The following GRIK4 variants were observed in gnomAD, a reference collection of about 807,000 sequenced individuals.
GRIK4 encodes the protein glutamate receptor ionotropic, kainate 4.
A neutral mutation model predicts 104.9 loss-of-function variants in GRIK4; 40 were observed. The ratio of observed to expected loss-of-function variants is 0.38; its 90% CI spans 0.30 to 0.50. The LOEUF (loss-of-function observed/expected upper bound fraction) is 0.50, where lower values mean the gene tolerates loss of function less well. GRIK4 is among the 20% of genes least tolerant of loss of function. The pLI is 0.93. For missense variants in GRIK4, 1,047 were observed against 1,308.1 expected (o/e 0.80, Z 3.08); for synonymous variants, 485 against 524.9 (o/e 0.92, Z 1.04).
chr11:120,785,839 T>C (rs1286783003), intron 3 of GRIK4, among the ~76,000 whole-genome samples: 1 of 152,174 alleles, frequency 6.6e-6, no homozygotes, highest in African/African-American at 2.4e-5. Context: ...GGCTCTGTGC[T>C]CATCCCCAGC....
At chr11:120,793,605 G>A (rs886148392) in intron 3 of GRIK4, among the ~76,000 whole-genome samples, 9 of 152,092 alleles carry the variant, frequency 5.9e-5, no homozygotes, top group African/African-American at 1.9e-4. Flanking sequence ...GATGGTTGGA[G>A]GTGAAGGGTG....
chr11:120,966,178 G>A (rs1944380405), intron 18 of GRIK4, among the ~76,000 whole-genome samples: 1 of 152,074 alleles, frequency 6.6e-6, no homozygotes, highest in Admixed American at 6.5e-5. Flanking sequence ...AGGGAAGGAG[G>A]ACTGGGAGAA....
chr11:120,662,154 G>C (rs1181443442), intron 3 of GRIK4, among the ~76,000 whole-genome samples: 2 of 152,220 alleles, frequency 1.3e-5, no homozygotes, highest in Non-Finnish European at 2.9e-5. Context: ...AGAAAGCGGA[G>C]CTGACAGGTC....
At chr11:120,596,450 G>A (rs1464110905) in intron 1 of GRIK4, among the ~76,000 whole-genome samples, 1 of 152,218 alleles carries the variant, frequency 6.6e-6, no homozygotes, top group Non-Finnish European at 1.5e-5. Context: ...GGGGTGTTAG[G>A]GAGCGCTTCA....
In GRIK4 at chr11:120,792,682, G is replaced by A. The variant is rs77418589; in HGVS notation, c.83-10011G>A. 2.5e-3 allele frequency among the ~76,000 whole-genome samples: 383 copies of A among 152,274 alleles called. 4 individuals carry two copies. The highest frequency in any genetic ancestry group is 8.6e-3 in the African/African-American group (356 of 41,538). ...AAGGTGCGGAATTGGGTGAAGGCAC[G>A]ATGCCTGGGTAGCTGGTGCTGCTAT... is the stretch of plus-strand genomic sequence containing the variant. On this transcript the variant is annotated intron_variant, in intron 3 of 20. Transcript: ENST00000527524.
chr11:120,870,951 T>C (rs1466526529), intron 9 of GRIK4: 5 of 152,398 alleles, frequency 3.3e-5, no homozygotes, highest in Non-Finnish European at 7.3e-5. Flanking sequence ...TTCACCGTGT[T>C]GGCAAGGGTG....
chr11:120,558,944 C>T (rs1271977456), intron 1 of GRIK4, among the ~76,000 whole-genome samples: 1 of 152,198 alleles, frequency 6.6e-6, no homozygotes, highest in Non-Finnish European at 1.5e-5. Context: ...GATAAGGCCT[C>T]ACCATGGTGA....
Position 120,815,386 on chromosome 11 carries a change from A to G in GRIK4, c.256A>G (p.Ile86Val). Residue 86 changes from isoleucine (I) to valine (V), a missense_variant, in exon 5 of 21, where the codon ATC becomes GTC. Coordinates refer to ENST00000527524, the MANE Select transcript of GRIK4 (RefSeq NM_014619.5). ...CCTGCCGCTGGCTGCAGTGTGTCAG[A>G]TCCTCCCCAAGGGGGTGGTCGCTGT... ...EYETAETMCQ[I>V]LPKGVVAVLG... The G allele has an allele frequency of 6.5e-7, 1 of 1,544,594 alleles. No homozygotes were observed. The highest frequency in any genetic ancestry group is 1.2e-5 in the South Asian group (1 of 83,600).
intron 3 of GRIK4, among the ~76,000 whole-genome samples, chr11:120,754,355 T>C (rs1951616415): frequency 6.6e-6 from 1 of 152,198 alleles, no homozygotes; most frequent in Non-Finnish European, 1.5e-5. Flanking sequence ...GTGTGGCCTT[T>C]TGTGTCTGGC....
chr11:120,633,463 C>A (rs962746638), intron 1 of GRIK4, among the ~76,000 whole-genome samples: 1 of 152,174 alleles, frequency 6.6e-6, no homozygotes, highest in African/African-American at 2.4e-5. Flanking sequence ...CTCGCATGCA[C>A]CTGCTTTGAA....
intron 3 of GRIK4, among the ~76,000 whole-genome samples, chr11:120,671,177 C>T (rs1740278205): frequency 1.3e-5 from 2 of 152,184 alleles, no homozygotes; most frequent in South Asian, 4.1e-4. Flanking sequence ...GTCCATATGT[C>T]TTTAGAGTAG....
intron 3 of GRIK4, among the ~76,000 whole-genome samples, chr11:120,800,232 G>A (rs578242122): frequency 6.6e-6 from 1 of 152,286 alleles, no homozygotes; most frequent in South Asian, 2.1e-4. Flanking sequence ...AATGGATGCA[G>A]GTGGAATTGT....
chr11:120,747,206 A>G (rs1432030898), intron 3 of GRIK4, among the ~76,000 whole-genome samples: 1 of 152,240 alleles, frequency 6.6e-6, no homozygotes, highest in Non-Finnish European at 1.5e-5. Context: ...TAGTATGATC[A>G]TCAGTTAAAT....
At chr11:120,941,892 G>A (rs928675326) in intron 14 of GRIK4, among the ~76,000 whole-genome samples, 6 of 152,214 alleles carry the variant, frequency 3.9e-5, no homozygotes, top group African/African-American at 1.4e-4. Flanking sequence ...GCCACCAGTT[G>A]TGGTACTTTT....
chr11:120,595,155 C>T (rs995941936), intron 1 of GRIK4, among the ~76,000 whole-genome samples: 9 of 152,214 alleles, frequency 5.9e-5, no homozygotes, highest in South Asian at 2.1e-4. Flanking sequence ...TCTTTCCTCC[C>T]GCTCGCTGTG....
At position 120,660,475 on chromosome 11, in the gene GRIK4, A is replaced by C. The variant is rs555672975; in HGVS notation, c.82+75A>C. 3 of 1,179,762 alleles carry C rather than the reference A, an allele frequency of 2.5e-6. No homozygotes were observed. The African/African-American group carries it at 4.5e-5, about 18-fold the overall frequency. The allele number at this position is 1,179,762 out of a possible 1,614,324, so 73.1% of individuals were successfully genotyped here. A position where few individuals can be genotyped will look rare whatever the true frequency, so the allele number is the denominator to read the frequency against. On this transcript the variant is annotated intron_variant, in intron 3 of 20. Transcript: ENST00000527524. ...TCCACAAGGGACATGAGAGTGCTGC[A>C]CAGGACTTGGGGAAGCTGCCCAGCC...
At chr11:120,730,754 T>C (rs574088303) in intron 3 of GRIK4, among the ~76,000 whole-genome samples, 2 of 152,330 alleles carry the variant, frequency 1.3e-5, no homozygotes, top group Admixed American at 1.3e-4. Flanking sequence ...CAGTGTTTTT[T>C]AGTTTTCATT....
intron 3 of GRIK4, among the ~76,000 whole-genome samples, chr11:120,784,506 G>A (rs751425402): frequency 2.0e-5 from 3 of 152,192 alleles, no homozygotes; most frequent in South Asian, 2.1e-4. Flanking sequence ...AGTTTTGATC[G>A]GAGGCCACAG....
At chr11:120,908,585 G>A (rs904160036) in intron 13 of GRIK4, among the ~76,000 whole-genome samples, 1 of 152,182 alleles carries the variant, frequency 6.6e-6, no homozygotes, top group Admixed American at 6.5e-5. Flanking sequence ...CAGACACAGA[G>A]GTGAGGGAAA....
Sources: gnomAD v4.1 joint callset for allele counts (sites outside exome capture counted in the v4.1 genomes callset) on GRCh38, gnomAD v4.1.1 for gene constraint, MANE v1.5 for transcripts, NCBI Gene and HGNC (gene_info 2026-07-23, HGNC 2026-07-21) for gene names.